R3HCC1L: variants seen among roughly 807,000 people sequenced by gnomAD.
R3HCC1L encodes the protein coiled-coil domain-containing protein R3HCC1L.
R3HCC1L carries 51 observed loss-of-function variants against 59.9 expected under a neutral mutation model. The ratio of observed to expected loss-of-function variants is 0.85; its 90% CI spans 0.68 to 1.07. The LOEUF (loss-of-function observed/expected upper bound fraction) is 1.07. R3HCC1L is among the 50% of genes least tolerant of loss of function. The probability of loss-of-function intolerance (pLI) is 0.00; values close to 1 mark genes in which losing one functional copy is unlikely to be tolerated. For missense variants in R3HCC1L, 965 were observed against 933.0 expected, an observed-to-expected ratio of 1.03 and a Z score of -0.45; for synonymous variants, 322 against 315.2, an observed-to-expected ratio of 1.02 and a Z score of -0.23.
Position 98,167,036 on chromosome 10 carries a change from T to TA in R3HCC1L, c.-15+3649dup, listed in dbSNP as rs983865441. Among the ~76,000 whole-genome samples the TA allele has an allele frequency of 1.9e-3, 290 of 149,604 alleles. 2 individuals are homozygous for TA. The highest frequency in any genetic ancestry group is 4.3e-3 in the Admixed American group (64 of 14,964). On this transcript the variant is annotated intron_variant, in intron 4 of 9. Coordinates refer to ENST00000298999, the MANE Select transcript of R3HCC1L (RefSeq NM_001351015.2). ...TGTGCACTTAATAAGTATTTGATGG[T>TA]AAAAAAAAAATGCCATTGCCTATTG...
chr10:98,175,739 C>G (rs988175858), intron 4 of R3HCC1L, among the ~76,000 whole-genome samples: 1 of 151,972 alleles, frequency 6.6e-6, no homozygotes, highest in Admixed American at 6.6e-5. Flanking sequence ...TTTTAAAATT[C>G]TCTTACATGT....
chr10:98,160,220 T>G (rs1409253575), intron 2 of R3HCC1L, among the ~76,000 whole-genome samples: 2 of 152,204 alleles, frequency 1.3e-5, no homozygotes, highest in African/African-American at 4.8e-5. Context: ...CAATGTTTGT[T>G]TATAGTGTTT....
intron 6 of R3HCC1L, among the ~76,000 whole-genome samples, chr10:98,232,160 T>G (rs1211301625): frequency 6.6e-6 from 1 of 152,142 alleles, no homozygotes; most frequent in African/African-American, 2.4e-5. Context: ...GGCTAATTTT[T>G]GTATTTTTTT....
At chr10:98,226,482 A>C (rs1225177892) in intron 5 of R3HCC1L, among the ~76,000 whole-genome samples, 1 of 152,226 alleles carries the variant, frequency 6.6e-6, no homozygotes, top group Non-Finnish European at 1.5e-5. Flanking sequence ...GATATTTCCT[A>C]AGTTGATTTA....
chr10:98,200,572 C>T (rs566935562), intron 4 of R3HCC1L, among the ~76,000 whole-genome samples: 1 of 152,116 alleles, frequency 6.6e-6, no homozygotes, highest in Admixed American at 6.5e-5. Context: ...TAAACTAAGG[C>T]TTAGAGCAAT....
chr10:98,158,197 A>G (rs925722550), intron 2 of R3HCC1L, among the ~76,000 whole-genome samples: 1 of 152,170 alleles, frequency 6.6e-6, no homozygotes, highest in African/African-American at 2.4e-5. Flanking sequence ...GCATTTGCCT[A>G]TGTATTTGTG....
intron 1 of R3HCC1L, among the ~76,000 whole-genome samples, chr10:98,150,422 T>A (rs1488700723): frequency 6.6e-6 from 1 of 152,254 alleles, no homozygotes; most frequent in East Asian, 1.9e-4. Context: ...GGCCTTGTTT[T>A]CTGTTTTTCA....
intron 5 of R3HCC1L, among the ~76,000 whole-genome samples, chr10:98,225,442 A>G (rs2135530656): frequency 6.6e-6 from 1 of 152,336 alleles, no homozygotes; most frequent in South Asian, 2.1e-4. Flanking sequence ...TTAGGAAAGA[A>G]AGTTCCATTA....
intron 1 of R3HCC1L, among the ~76,000 whole-genome samples, chr10:98,152,982 G>T (rs562193211): frequency 1.1e-3 from 163 of 148,262 alleles, no homozygotes; most frequent in African/African-American, 3.8e-3. Context: ...CGCCCTGTCC[G>T]GGAGGGAGGT....
chr10:98,228,941 G>C (rs1448748589), intron 5 of R3HCC1L, among the ~76,000 whole-genome samples: 1 of 152,110 alleles, frequency 6.6e-6, no homozygotes, highest in Admixed American at 6.6e-5. Flanking sequence ...CCATTGGCCT[G>C]TATCTCTGTT....
At chr10:98,173,692 C>T (rs1848733272) in intron 4 of R3HCC1L, among the ~76,000 whole-genome samples, 1 of 152,066 alleles carries the variant, frequency 6.6e-6, no homozygotes, top group African/African-American at 2.4e-5. Flanking sequence ...AATCACAGGG[C>T]CACACCCCTC....
chr10:98,223,040 A>G (rs1855224995), intron 5 of R3HCC1L, among the ~76,000 whole-genome samples: 1 of 151,758 alleles, frequency 6.6e-6, no homozygotes, highest in South Asian at 2.1e-4. Context: ...AATTGTGGCA[A>G]TAATCAATAG....
Position 98,208,337 on chromosome 10 carries a change from C to T in R3HCC1L, c.223C>T (p.Pro75Ser), listed in dbSNP as rs370226522. Residue 75 changes from proline (P) to serine (S), a missense_variant, in exon 5 of 10, where the codon CCT (proline) becomes TCT (serine). Coordinates refer to ENST00000298999, the MANE Select transcript of R3HCC1L (RefSeq NM_001351015.2). ...KPEARRLNIN[P>S]DRKEHNCREE... The stretch of plus-strand genomic sequence containing the variant: ...GGAGGCTCGAAGACTAAATATCAAT[C>T]CTGATAGAAAGGAGCATAATTGTAG... 3.7e-6 allele frequency: 6 copies of T among 1,613,896 alleles called. No homozygotes were observed. The highest frequency in any genetic ancestry group is 5.1e-6 in the Non-Finnish European group (6 of 1,179,994).
At chr10:98,183,057 C>T (rs988069068) in intron 4 of R3HCC1L, among the ~76,000 whole-genome samples, 10 of 152,138 alleles carry the variant, frequency 6.6e-5, no homozygotes, top group African/African-American at 9.7e-5. Context: ...CACTGTCCAA[C>T]CAGTCCCAAT....
rs1857870033 is a variant in R3HCC1L, at chr10:98,244,242, T to C, written c.*84T>C. 7.6e-7 allele frequency: 1 copy of C among 1,321,106 alleles called. No individual in the cohort carries two copies. The highest frequency in any genetic ancestry group is 1.1e-6 in the Non-Finnish European group (1 of 921,714). The allele number at this position is 1,321,106 out of a possible 1,614,324, so 81.8% of individuals were successfully genotyped here. ...ATAAGATGATCCTTCCAGAGCTCTATGTACATGCAGATGTGCATGTTAAAG... is the reference window on the plus strand; with the variant it reads ...ATAAGATGATCCTTCCAGAGCTCTACGTACATGCAGATGTGCATGTTAAAG... On this transcript the variant is annotated 3_prime_UTR_variant, in exon 10 of 10. Transcript: ENST00000298999.
At chr10:98,177,320 G>A (rs905939220) in intron 4 of R3HCC1L, among the ~76,000 whole-genome samples, 5 of 152,104 alleles carry the variant, frequency 3.3e-5, no homozygotes, top group Non-Finnish European at 7.4e-5. Context: ...TCAGAATGAT[G>A]GTTTCCAGCT....
chr10:98,227,848 T>TG (rs1464186296), intron 5 of R3HCC1L, among the ~76,000 whole-genome samples: 2 of 152,032 alleles, frequency 1.3e-5, no homozygotes, highest in Non-Finnish European at 2.9e-5. Flanking sequence ...TTTTTGTCCT[T>TG]GCGATAGTTT....
intron 5 of R3HCC1L, among the ~76,000 whole-genome samples, chr10:98,225,738 G>A (rs180782582): frequency 1.3e-5 from 2 of 152,176 alleles, no homozygotes; most frequent in East Asian, 3.9e-4. Flanking sequence ...TAGGTACCTC[G>A]GAAATGAGAT....
chr10:98,243,212 C>T (rs1857734714), intron 9 of R3HCC1L, among the ~76,000 whole-genome samples: 1 of 152,138 alleles, frequency 6.6e-6, no homozygotes, highest in Non-Finnish European at 1.5e-5. Flanking sequence ...CTGTAATCTC[C>T]CTGGTTCATG....
Sources: allele counts gnomAD v4.1 joint callset (sites outside exome capture counted in the v4.1 genomes callset), GRCh38; gene constraint gnomAD v4.1.1; transcripts MANE v1.5; gene names NCBI Gene and HGNC (gene_info 2026-07-23, HGNC 2026-07-21).